Variants in SHLD1 observed in about 807,000 individuals in gnomAD.
The protein encoded by SHLD1 is RINN1-REV7-interacting novel NHEJ regulator 3.
A neutral mutation model predicts 5.5 loss-of-function variants in SHLD1; 3 were observed. The observed-to-expected ratio is 0.54, with a 90% confidence interval of 0.25 to 1.40. The LOEUF (loss-of-function observed/expected upper bound fraction) is 1.40, where lower values mean the gene tolerates loss of function less well. Among genes scored for constraint, SHLD1 ranks in the 40% most tolerant of loss-of-function variants. The probability of loss-of-function intolerance (pLI) is 0.15; values close to 1 mark genes in which losing one functional copy is unlikely to be tolerated. For synonymous variants in SHLD1, 92 were observed against 94.3 expected (o/e 0.98, Z 0.14); for missense variants, 210 against 244.4 (o/e 0.86, Z 0.94).
intron 2 of SHLD1, among the ~76,000 whole-genome samples, chr20:5,781,809 C>T (rs1490353779): frequency 6.6e-6 from 1 of 152,170 alleles, no homozygotes; most frequent in Non-Finnish European, 1.5e-5. Context: ...CTTCCAGCTC[C>T]AATCAAAAAG....
At chr20:5,814,677 T>G (rs2087505324) in intron 2 of SHLD1, among the ~76,000 whole-genome samples, 1 of 143,210 alleles carries the variant, frequency 7.0e-6, no homozygotes, top group African/African-American at 2.7e-5. Context: ...TTTTTTTTTT[T>G]GAGATAGGGT....
At chr20:5,754,015 C>T (rs572801480) in intron 1 of SHLD1, among the ~76,000 whole-genome samples, 16 of 152,218 alleles carry the variant, frequency 1.1e-4, no homozygotes, top group South Asian at 2.1e-4. Flanking sequence ...AGACAAACGA[C>T]GCCGCTTCAG....
chr20:5,862,790 A>G (rs1428592978), intron 2 of SHLD1, among the ~76,000 whole-genome samples: 1 of 152,200 alleles, frequency 6.6e-6, no homozygotes, highest in Non-Finnish European at 1.5e-5. Context: ...CTATACAGGG[A>G]CATCGGGCTA....
At chr20:5,777,897 A>C (rs1228105870) in intron 2 of SHLD1, among the ~76,000 whole-genome samples, 1 of 152,084 alleles carries the variant, frequency 6.6e-6, no homozygotes, top group Non-Finnish European at 1.5e-5. Flanking sequence ...TTTAGGGAGG[A>C]ATATTAACTT....
chr20:5,762,049 C>T, intron 1 of SHLD1, among the ~76,000 whole-genome samples: 1 of 151,058 alleles, frequency 6.6e-6, no homozygotes, highest in East Asian at 2.0e-4. Context: ...GTCAGGAGTT[C>T]AAGACCAGCC....
intron 2 of SHLD1, among the ~76,000 whole-genome samples, chr20:5,859,869 C>G: frequency 6.6e-6 from 1 of 152,268 alleles, no homozygotes; most frequent in South Asian, 2.1e-4. Context: ...TAGCTTTTAG[C>G]CTCTTTTGTG....
intron 2 of SHLD1, among the ~76,000 whole-genome samples, chr20:5,847,383 G>A (rs191462042): frequency 1.2e-3 from 177 of 152,254 alleles, no homozygotes; most frequent in Middle Eastern, 6.8e-3. Flanking sequence ...GGGTTGTTTT[G>A]CTTGAGAAAA....
At chr20:5,837,922 C>T (rs902515437) in intron 2 of SHLD1, among the ~76,000 whole-genome samples, 2 of 152,142 alleles carry the variant, frequency 1.3e-5, no homozygotes, top group African/African-American at 4.8e-5. Context: ...AGTGGACCTG[C>T]ACAGTTCAAA....
intron 2 of SHLD1, among the ~76,000 whole-genome samples, chr20:5,832,638 A>G (rs1425178404): frequency 1.3e-5 from 2 of 151,968 alleles, no homozygotes; most frequent in Non-Finnish European, 2.9e-5. Context: ...TGGCTAGTAT[A>G]TACATTATGC....
rs1335193700 is a variant in SHLD1, at chr20:5,806,261, A to C, written c.178+33218A>C. Among the ~76,000 whole-genome samples the C allele has an allele frequency of 6.6e-6, 1 of 152,142 alleles. No homozygotes were observed. The highest frequency in any genetic ancestry group is 2.4e-5 in the African/African-American group (1 of 41,434). ...CACATAGTAGCTGACATAAGTGAGA[A>C]TCTCCACCCACAAACTTTAAAACTG... On this transcript the variant is annotated intron_variant, in intron 2 of 2. Coordinates refer to ENST00000303142, the MANE Select transcript of SHLD1 (RefSeq NM_152504.4). The surrounding 1 kb of genome is among the most constrained non-coding windows in gnomAD (Gnocchi z 7.6).
At chr20:5,763,304 A>AG (rs1568489372) in intron 1 of SHLD1, among the ~76,000 whole-genome samples, 4 of 151,312 alleles carry the variant, frequency 2.6e-5, no homozygotes, top group African/African-American at 2.4e-5. Context: ...AAAAAAAAAA[A>AG]AAAAAAAAGA....
intron 2 of SHLD1, among the ~76,000 whole-genome samples, chr20:5,848,347 C>G (rs2052324144): frequency 6.6e-6 from 1 of 152,220 alleles, no homozygotes; most frequent in African/African-American, 2.4e-5. Context: ...TGAGAACAGC[C>G]TGGCCAACAT....
intron 1 of SHLD1, chr20:5,772,263 G>A: frequency 2.4e-6 from 1 of 419,088 alleles, no homozygotes; most frequent in South Asian, 1.7e-5. Context: ...TGTGTTTTGG[G>A]GCCATTAATA....
At chr20:5,756,477 A>AT (rs1984109915) in intron 1 of SHLD1, among the ~76,000 whole-genome samples, 2 of 152,072 alleles carry the variant, frequency 1.3e-5, no homozygotes, top group African/African-American at 4.8e-5. Context: ...TACATCTTAC[A>AT]TGTCTTTAAT....
chr20:5,796,923 C>G (rs771592574), intron 2 of SHLD1, among the ~76,000 whole-genome samples: 6 of 151,738 alleles, frequency 4.0e-5, no homozygotes, highest in Non-Finnish European at 8.8e-5. Flanking sequence ...CGGCATATCA[C>G]TTTTCAAATA....
At chr20:5,753,881 C>G (rs1983904638) in intron 1 of SHLD1, among the ~76,000 whole-genome samples, 3 of 152,172 alleles carry the variant, frequency 2.0e-5, no homozygotes, top group South Asian at 2.1e-4. Flanking sequence ...TCGGAACCCC[C>G]CTCCCTCTGC....
intron 1 of SHLD1, among the ~76,000 whole-genome samples, chr20:5,768,340 C>G (rs1600101205): frequency 6.6e-6 from 1 of 152,340 alleles, no homozygotes; most frequent in Admixed American, 6.5e-5. Context: ...GCTGGTTCTT[C>G]CTGAGTGCAC....
chr20:5,756,813 C>A, intron 1 of SHLD1: 1 of 274,474 alleles, frequency 3.6e-6, no homozygotes, highest in Non-Finnish European at 7.4e-6. Context: ...GGATTACAGG[C>A]GTAAGCCACC....
intron 2 of SHLD1, among the ~76,000 whole-genome samples, chr20:5,838,680 G>A (rs894185777): frequency 6.6e-6 from 1 of 152,230 alleles, no homozygotes; most frequent in Non-Finnish European, 1.5e-5. Context: ...AGAATTGTTT[G>A]AGTCTGTGAG....
Sources: allele counts gnomAD v4.1 joint callset (sites outside exome capture counted in the v4.1 genomes callset), GRCh38; gene constraint gnomAD v4.1.1; non-coding constraint Gnocchi (gnomAD v3.1); transcripts MANE v1.5; gene names NCBI Gene and HGNC (gene_info 2026-07-23, HGNC 2026-07-21).